F7: variants seen among roughly 807,000 people sequenced by gnomAD.
F7 encodes coagulation factor VII, also known as FVII coagulation protein.
In F7, 38 loss-of-function variants were observed where a neutral mutation model predicts 47.5. That is an observed-to-expected ratio of 0.80 (90% CI 0.62 to 1.05). F7 has a LOEUF of 1.05. F7 is among the 50% of genes least tolerant of loss of function. F7 has a pLI of 0.00. For synonymous variants in F7, 244 were observed against 258.5 expected, an observed-to-expected ratio of 0.94 and a Z score of 0.54; for missense variants, 575 against 605.4, an observed-to-expected ratio of 0.95 and a Z score of 0.53.
At chr13:113,112,181 A>G (rs1346094732) in intron 2 of F7, among the ~76,000 whole-genome samples, 1 of 141,580 alleles carries the variant, frequency 7.1e-6, no homozygotes, top group African/African-American at 2.7e-5. Flanking sequence ...CACAGAGGTC[A>G]CCTCACACCC....
intron 1 of F7, among the ~76,000 whole-genome samples, chr13:113,107,343 G>T (rs1195398008): frequency 5.1e-5 from 3 of 59,362 alleles, no homozygotes; most frequent in Admixed American, 1.5e-4. Context: ...TGTCCCGGGG[G>T]CGTGGGTGTC....
rs925200859 is a variant in F7, at chr13:113,120,129, A to G, written c.*1121A>G. ...TTCAACATCACTGAAATGAACCCTC[A>G]CATGGAAGCTATTTTTTAAAAACAA... is the stretch of plus-strand genomic sequence containing the variant. On this transcript the variant is annotated 3_prime_UTR_variant, in exon 8 of 8. Transcript: ENST00000346342. 3.3e-5 allele frequency: 5 copies of G among 152,180 alleles called. No homozygotes were observed. Among genetic ancestry groups the G allele is most frequent in the Non-Finnish European group, 7.3e-5 (5 of 68,036 alleles). The allele number at this position is 152,180 out of a possible 1,614,324, so 9.4% of individuals were successfully genotyped here.
chr13:113,113,936 T>G lies in F7; in HGVS notation c.340T>G (p.Phe114Val). The change falls in exon 4 of 8, where the codon TTC becomes GTC. Residue 114 changes from phenylalanine to valine, a missense_variant. Physicochemically the swap from Phe to Val is conservative, Grantham distance 50 (BLOSUM62 -1). Coordinates refer to ENST00000346342, the MANE Select transcript of F7 (RefSeq NM_019616.4). This position sits in a 1 kb window ranked among gnomAD's most constrained non-coding sequence, Gnocchi z 4.1. ...QSYICFCLPAFEGRNCETHKD... is the reference protein window; with the variant it reads ...QSYICFCLPAVEGRNCETHKD... ...CTATATCTGCTTCTGCCTCCCTGCC[T>G]TCGAGGGCCGGAACTGTGAGACGCG... is the stretch of plus-strand genomic sequence containing the variant. The G allele has an allele frequency of 6.2e-7, 1 of 1,614,044 alleles. No individual in the cohort carries two copies. Among genetic ancestry groups the G allele is most frequent in the Non-Finnish European group, 8.5e-7 (1 of 1,180,030 alleles).
rs781021615 is a variant in F7, at chr13:113,119,017, C to T, written c.*9C>T. On this transcript the variant is annotated 3_prime_UTR_variant, in exon 8 of 8. Coordinates refer to ENST00000346342, the MANE Select transcript of F7 (RefSeq NM_019616.4). ...GAGCCCCATTTCCCTAGCCCAGCAG[C>T]CCTGGCCTGTGGAGAGAAAGCCAAG... 1.3e-6 allele frequency: 2 copies of T among 1,598,024 alleles called. No individual in the cohort carries two copies. Among genetic ancestry groups the T allele is most frequent in the Admixed American group, 3.3e-5 (2 of 59,938 alleles).
chr13:113,110,471 C>T (rs2036068998), intron 1 of F7: 1 of 568,960 alleles, frequency 1.8e-6, no homozygotes, highest in Non-Finnish European at 3.0e-6. Context: ...GGATCAGCCC[C>T]CGGAAGCAGA....
rs763444649 is a variant in F7 at position 113,118,870 on chromosome 13, C to T, written c.1197C>T (p.Ile399=). Residue 399 remains isoleucine, a synonymous_variant, in exon 8 of 8, where the codon ATC becomes ATT. Transcript: ENST00000346342. ...GGGGCACGTGGTACCTGACGGGCAT[C>T]GTCAGCTGGGGCCAGGGCTGCGCAA... ...HYRGTWYLTG[I]VSWGQGCATV... 4 of 1,612,882 alleles carry T rather than the reference C, an allele frequency of 2.5e-6. No individual in the cohort carries two copies. Among genetic ancestry groups the T allele is most frequent in the South Asian group, 2.2e-5 (2 of 91,078 alleles).
Position 113,117,352 on chromosome 13 carries a change from C to A in F7, c.616-121C>A, listed in dbSNP as rs554228552. 34 of 1,509,134 alleles carry A rather than the reference C, an allele frequency of 2.3e-5. 1 individual carries two copies. In the South Asian group the frequency reaches 4.0e-4, roughly 18 times the overall value. The allele number at this position is 1,509,134 out of a possible 1,614,324, so 93.5% of individuals were successfully genotyped here. ...TTTGCCTGGGAGGGATCTGCAAAGACCCCAGGATTTCAGAAAGAAATTGTG... is the reference window on the plus strand; with the variant it reads ...TTTGCCTGGGAGGGATCTGCAAAGAACCCAGGATTTCAGAAAGAAATTGTG... On this transcript the variant is annotated intron_variant, in intron 6 of 7. Coordinates refer to ENST00000346342, the MANE Select transcript of F7 (RefSeq NM_019616.4).
rs576456456 is a variant in F7, at chr13:113,113,914, T to C, written c.318T>C (p.Tyr106=). The C allele has an allele frequency of 3.1e-6, 5 of 1,614,152 alleles. No homozygotes were observed. In the African/African-American group the frequency reaches 6.7e-5, roughly 22 times the overall value. The change falls in exon 4 of 8, where the codon TAT becomes TAC. Residue 106 remains tyrosine, a synonymous_variant. Transcript: ENST00000346342. This position sits in a 1 kb window ranked among gnomAD's most constrained non-coding sequence, Gnocchi z 4.1. ...CCTGCAAGGACCAGCTCCAGTCCTA[T>C]ATCTGCTTCTGCCTCCCTGCCTTCG... ...GGSCKDQLQS[Y]ICFCLPAFEG... is the part of the protein sequence containing the mutation.
At chr13:113,114,216 C>T (rs2760564) in intron 4 of F7, among the ~76,000 whole-genome samples, 2 of 152,208 alleles carry the variant, frequency 1.3e-5, no homozygotes, top group South Asian at 2.1e-4. Context: ...TCTCAGCCCT[C>T]GAGATGGCCC....
rs372005651 is a variant in F7, at chr13:113,115,779, G to A, written c.484G>A (p.Gly162Arg). 2.4e-5 allele frequency: 39 copies of A among 1,613,258 alleles called. No individual in the cohort carries two copies. Among genetic ancestry groups the A allele is most frequent in the Admixed American group, 2.0e-4 (12 of 60,022 alleles). Residue 162 changes from glycine to arginine, a missense_variant, in exon 5 of 8, where the codon GGG becomes AGG. Transcript: ENST00000346342. ...CGAGGGGTACTCTCTGCTGGCAGACGGGGTGTCCTGCACACCCACAGGTGA... is the reference window on the plus strand; with the variant it reads ...CGAGGGGTACTCTCTGCTGGCAGACAGGGTGTCCTGCACACCCACAGGTGA... The part of the protein sequence containing the change: ...CHEGYSLLAD[G>R]VSCTPTVEYP...
chr13:113,119,283 G>A lies in F7; in HGVS notation c.*275G>A, dbSNP rs886049988. 3 of 497,344 alleles carry A rather than the reference G, an allele frequency of 6.0e-6. No homozygotes were observed. Among genetic ancestry groups the A allele is most frequent in the African/African-American group, 1.9e-5 (1 of 51,682 alleles). 30.8% of individuals were successfully genotyped at this position (497,344 alleles called of 1,614,324 possible). A position where few individuals can be genotyped will look rare whatever the true frequency, so the allele number is the denominator to read the frequency against. Reference sequence around the variant, plus strand: ...GGAATAGAAAAGATGAGAGGCAGAGGCAGACAGGCGCTGGACAGAGGGGCA... The same window carrying A: ...GGAATAGAAAAGATGAGAGGCAGAGACAGACAGGCGCTGGACAGAGGGGCA... On this transcript the variant is annotated 3_prime_UTR_variant, in exon 8 of 8. Coordinates refer to ENST00000346342, the MANE Select transcript of F7 (RefSeq NM_019616.4).
At chr13:113,107,270 CGGGGGCG>C (rs1566904823) in intron 1 of F7, among the ~76,000 whole-genome samples, 19 of 67,432 alleles carry the variant, frequency 2.8e-4, no homozygotes, top group Non-Finnish European at 3.9e-4. Context: ...GTGGGTGTCC[CGGGGGCG>C]TGGGTGTCCC....
At chr13:113,115,985 TG>T (rs1444379174) in intron 5 of F7, among the ~76,000 whole-genome samples, 185 bp downstream of exon 5, 1 of 152,222 alleles carries the variant, frequency 6.6e-6, no homozygotes, top group Admixed American at 6.5e-5. Flanking sequence ...GTGACTAGGA[TG>T]GGCACCCTGG....
At chr13:113,118,296 C>A in intron 7 of F7, 117 bp from the exon 8 acceptor site, 1 of 1,189,342 alleles carries the variant, frequency 8.4e-7, no homozygotes, top group Non-Finnish European at 1.2e-6. Context: ...GGTCCCCTTG[C>A]CCCAGAAGGA....
At position 113,113,983 on chromosome 13, in the gene F7, A is replaced by G. The variant is rs775380924; in HGVS notation, c.364+23A>G. ...CGCGTAAGGCCCCACTTTGGGTCCC[A>G]TATTTGCAGAGGGCCCTGGGGAGCT... On this transcript the variant is annotated intron_variant, in intron 4 of 7. Coordinates refer to ENST00000346342, the MANE Select transcript of F7 (RefSeq NM_019616.4). The surrounding 1 kb of genome is among the most constrained non-coding windows in gnomAD (Gnocchi z 4.1). The G allele has an allele frequency of 3.7e-6, 6 of 1,613,108 alleles. No homozygotes were observed. In the Admixed American group the frequency reaches 5.0e-5, roughly 13 times the overall value.
Position 113,113,356 on chromosome 13 carries a change from T to C in F7, c.226-396T>C, listed in dbSNP as rs1243439269. Among the ~76,000 whole-genome samples the C allele has an allele frequency of 1.3e-5, 2 of 152,258 alleles. No homozygotes were observed. The highest frequency in any genetic ancestry group is 2.9e-5 in the Non-Finnish European group (2 of 68,036). ...AGTTTCTTCAGCAATCACTTTTTTC[T>C]GTGGAGTGCTTTTGCTGTTTGTGGA... On this transcript the variant is annotated intron_variant, in intron 2 of 7. Coordinates refer to ENST00000346342, the MANE Select transcript of F7 (RefSeq NM_019616.4). This position sits in a 1 kb window ranked among gnomAD's most constrained non-coding sequence, Gnocchi z 4.1.
rs528413523 is a variant in F7, at chr13:113,117,465, C to T, written c.616-8C>T. On this transcript the variant is annotated splice_polypyrimidine_tract_variant and splice_region_variant and intron_variant, in intron 6 of 7. Transcript: ENST00000346342. ...TGTGACTTCCACACCTCCTGTCCCC[C>T]CGCCCAGGTCCTGTTGTTGGTGAAT... 6.2e-7 allele frequency: 1 copy of T among 1,613,812 alleles called. No homozygotes were observed. Among genetic ancestry groups the T allele is most frequent in the Non-Finnish European group, 8.5e-7 (1 of 1,179,732 alleles).
Position 113,118,397 on chromosome 13 carries a change from G to T in F7, c.740-16G>T, listed in dbSNP as rs746104429. The T allele has an allele frequency of 6.3e-7, 1 of 1,582,556 alleles. No homozygotes were observed. Among genetic ancestry groups the T allele is most frequent in the East Asian group, 2.3e-5 (1 of 44,438 alleles). On this transcript the variant is annotated splice_polypyrimidine_tract_variant and intron_variant, in intron 7 of 7. Transcript: ENST00000346342. ...CAGGTGGTGGAAAGGGCCTGAGGGG[G>T]GCTTCTTCCTTCCAGGCGAGCACGA... is the stretch of plus-strand genomic sequence containing the variant.
rs1259907259 is a variant in F7, at chr13:113,119,135, GGAGACAGAGACAGAAACAGAGA to G, written c.*142_*163del. The G allele has an allele frequency of 6.5e-6, 5 of 767,162 alleles. No individual in the cohort carries two copies. Among genetic ancestry groups the G allele is most frequent in the African/African-American group, 5.4e-5 (3 of 55,434 alleles). 47.5% of individuals were successfully genotyped at this position (767,162 alleles called of 1,614,324 possible). ...ATGGGAGGGAGGGAGAGGTGGGGAG[GGAGACAGAGACAGAAACAGAGA>G]GAGACAGAGACAGAGAGAGACTGAG... On this transcript the variant is annotated 3_prime_UTR_variant, in exon 8 of 8. Transcript: ENST00000346342.
Sources: gnomAD v4.1 joint callset for allele counts (sites outside exome capture counted in the v4.1 genomes callset) on GRCh38, gnomAD v4.1.1 for gene constraint, Gnocchi (gnomAD v3.1) non-coding constraint, MANE v1.5 for transcripts, NCBI Gene and HGNC (gene_info 2026-07-23, HGNC 2026-07-21) for gene names.